EYS: variants seen among roughly 807,000 people sequenced by gnomAD.
The protein encoded by EYS is EGF-like photoreceptor maintenance factor, also known as protein eyes shut homolog.
In EYS, 250 loss-of-function variants were observed where a neutral mutation model predicts 282.1. The ratio of observed to expected loss-of-function variants is 0.89; its 90% CI spans 0.80 to 0.98. The LOEUF is 0.98. EYS is among the 50% of genes least tolerant of loss of function. The pLI is 0.00. For synonymous variants in EYS, 1,355 were observed against 1,282.9 expected, an observed-to-expected ratio of 1.06 and a Z score of -1.20; for missense variants, 4,016 against 3,709.0, an observed-to-expected ratio of 1.08 and a Z score of -2.15.
chr6:65,009,046 G>A (rs1315792441), intron 13 of EYS, among the ~76,000 whole-genome samples: 2 of 152,092 alleles, frequency 1.3e-5, no homozygotes, highest in East Asian at 3.9e-4. Context: ...CAAAAGCAGG[G>A]GCCATTATAC....
At chr6:64,720,164 T>C (rs531936198) in intron 22 of EYS, among the ~76,000 whole-genome samples, 1 of 152,278 alleles carries the variant, frequency 6.6e-6, no homozygotes, top group South Asian at 2.1e-4. Context: ...CTTTTCCAGC[T>C]TCTACAGGCT....
chr6:64,095,979 A>G (rs904536944), intron 31 of EYS, among the ~76,000 whole-genome samples: 8 of 152,116 alleles, frequency 5.3e-5, no homozygotes, highest in Admixed American at 1.3e-4. Flanking sequence ...GCATTTGCTT[A>G]TCTGTAAAGT....
chr6:65,660,313 G>T (rs1767960433), intron 1 of EYS, among the ~76,000 whole-genome samples: 1 of 151,608 alleles, frequency 6.6e-6, no homozygotes, highest in African/African-American at 2.4e-5. Context: ...GTATACCATT[G>T]CATGTACTAT....
At chr6:64,400,109 T>C (rs1448034007) in intron 28 of EYS, among the ~76,000 whole-genome samples, 2 of 151,978 alleles carry the variant, frequency 1.3e-5, no homozygotes, top group Non-Finnish European at 2.9e-5. Flanking sequence ...AAATTATTTA[T>C]AGATATATTG....
intron 19 of EYS, among the ~76,000 whole-genome samples, chr6:64,866,498 A>T (rs1766429406): frequency 6.6e-6 from 1 of 151,878 alleles, no homozygotes; most frequent in Non-Finnish European, 1.5e-5. Flanking sequence ...TTTATTCAAC[A>T]GCCTTTAAAA....
intron 19 of EYS, among the ~76,000 whole-genome samples, chr6:64,863,761 A>T (rs1051048386): frequency 4.6e-5 from 7 of 152,132 alleles, no homozygotes; most frequent in African/African-American, 1.7e-4. Context: ...TTTTCCAGGA[A>T]TTTTCTGAAA....
intron 35 of EYS, among the ~76,000 whole-genome samples, chr6:63,971,028 C>G (rs1427874034): frequency 6.6e-6 from 1 of 152,076 alleles, no homozygotes; most frequent in African/African-American, 2.4e-5. Flanking sequence ...GGTTAATGTC[C>G]AACAGGACCA....
intron 13 of EYS, among the ~76,000 whole-genome samples, chr6:65,016,348 T>C (rs891965999): frequency 6.6e-6 from 1 of 152,210 alleles, no homozygotes; most frequent in Non-Finnish European, 1.5e-5. Flanking sequence ...TAAAGAACAT[T>C]GCAGTTTTAA....
At chr6:65,101,195 G>A (rs1233436017) in intron 12 of EYS, among the ~76,000 whole-genome samples, 2 of 151,016 alleles carry the variant, frequency 1.3e-5, no homozygotes, top group African/African-American at 4.8e-5. Flanking sequence ...AAGAATTTGA[G>A]AACCGTTCAA....
chr6:64,233,995 A>G (rs1383369755), intron 30 of EYS, among the ~76,000 whole-genome samples: 1 of 152,154 alleles, frequency 6.6e-6, no homozygotes, highest in East Asian at 1.9e-4. Flanking sequence ...GTCTGGCACA[A>G]ATGTTTAGAA....
chr6:63,838,847 C>T (rs1771876645), intron 36 of EYS, among the ~76,000 whole-genome samples: 1 of 152,108 alleles, frequency 6.6e-6, no homozygotes, highest in South Asian at 2.1e-4. Flanking sequence ...TCTCTACAGT[C>T]TCTTCATAAG....
At chr6:65,426,200 A>G (rs1767656162) in intron 5 of EYS, among the ~76,000 whole-genome samples, 1 of 152,010 alleles carries the variant, frequency 6.6e-6, no homozygotes, top group African/African-American at 2.4e-5. Context: ...GCTGGTTTCA[A>G]ACTTACGGCC....
At chr6:65,502,805 A>T (rs1766503547) in intron 2 of EYS, among the ~76,000 whole-genome samples, 1 of 151,746 alleles carries the variant, frequency 6.6e-6, no homozygotes, top group East Asian at 1.9e-4. Context: ...TACAAAAGTA[A>T]TATGTACTGG....
intron 26 of EYS, among the ~76,000 whole-genome samples, chr6:64,524,565 A>C (rs1339934391): frequency 6.6e-6 from 1 of 151,868 alleles, no homozygotes; most frequent in Non-Finnish European, 1.5e-5. Flanking sequence ...CTATGTCCAG[A>C]ATAGTATTGC....
At chr6:64,233,942 T>C (rs74960501) in intron 30 of EYS, among the ~76,000 whole-genome samples, 4,352 of 152,276 alleles carry the variant, frequency 0.029, 66 homozygotes, top group African/African-American at 0.048. Flanking sequence ...CTGAAGGATT[T>C]TGCTCATTGC....
At chr6:65,369,267 A>C (rs1003585309) in intron 8 of EYS, among the ~76,000 whole-genome samples, 9 of 140,890 alleles carry the variant, frequency 6.4e-5, no homozygotes, top group Non-Finnish European at 9.1e-5. Context: ...GTGTGTGTGT[A>C]TATATATATT....
intron 30 of EYS, among the ~76,000 whole-genome samples, chr6:64,301,545 A>G (rs1165949956): frequency 6.6e-6 from 1 of 152,222 alleles, no homozygotes. Flanking sequence ...TATAATCAGT[A>G]AAGTCATATA....
chr6:64,846,387 A>C (rs1053807237), intron 19 of EYS, among the ~76,000 whole-genome samples: 1 of 152,250 alleles, frequency 6.6e-6, no homozygotes, highest in African/African-American at 2.4e-5. Flanking sequence ...AGGCTCTATT[A>C]GTTACATAAT....
intron 19 of EYS, among the ~76,000 whole-genome samples, chr6:64,850,011 A>G (rs1765833953): frequency 6.6e-6 from 1 of 152,028 alleles, no homozygotes; most frequent in Admixed American, 6.6e-5. Context: ...GGAAGGCAGT[A>G]TTTATGGAAG....
Sources: allele counts gnomAD v4.1 joint callset (sites outside exome capture counted in the v4.1 genomes callset), GRCh38; gene constraint gnomAD v4.1.1; transcripts MANE v1.5; gene names NCBI Gene and HGNC (gene_info 2026-07-23, HGNC 2026-07-21).